Variants in NAV2 observed in about 807,000 individuals in gnomAD.
NAV2 encodes helicase, APC down-regulated 1.
NAV2 carries 54 observed loss-of-function variants against 223.2 expected under a neutral mutation model. That is an observed-to-expected ratio of 0.24 (90% confidence interval 0.19 to 0.30). NAV2 has a LOEUF of 0.30. Among genes scored for constraint, NAV2 ranks in the 10% least tolerant of loss-of-function variants. The pLI, the probability that NAV2 is intolerant of heterozygous loss-of-function variation, is 1.00. For synonymous variants in NAV2, 1,279 were observed against 1,239.3 expected (o/e 1.03, Z -0.67); for missense variants, 2,806 against 3,147.5 (o/e 0.89, Z 2.60).
chr11:20,016,476 C>T (rs1434237244), intron 11 of NAV2, among the ~76,000 whole-genome samples: 1 of 152,162 alleles, frequency 6.6e-6, no homozygotes, highest in Non-Finnish European at 1.5e-5. Flanking sequence ...AATGTGGAGT[C>T]CAGACAATCT....
chr11:19,499,310 G>A (rs2042891772), intron 1 of NAV2, among the ~76,000 whole-genome samples: 1 of 152,228 alleles, frequency 6.6e-6, no homozygotes, highest in Non-Finnish European at 1.5e-5. Context: ...AATTGTTCCT[G>A]CTAGAGGGTT....
rs556798888 is a variant in NAV2 at position 19,510,590 on chromosome 11, C to T, written c.75+159563C>T. Among the ~76,000 whole-genome samples the T allele has an allele frequency of 5.3e-5, 8 of 152,312 alleles. No homozygotes were observed. The South Asian group carries it at 1.7e-3, about 32-fold the overall frequency. ...GAAACAGGTGAGAGGAGGTTAATTACGTTGGCAGAGATGGCATAACAGAGC... is the reference window on the plus strand; with the variant it reads ...GAAACAGGTGAGAGGAGGTTAATTATGTTGGCAGAGATGGCATAACAGAGC... On this transcript the variant is annotated intron_variant, in intron 1 of 37. Transcript: ENST00000360655.
chr11:19,502,230 C>G (rs1158321772), intron 1 of NAV2, among the ~76,000 whole-genome samples: 2 of 152,240 alleles, frequency 1.3e-5, no homozygotes, highest in South Asian at 4.2e-4. Context: ...TGCTCTGCTC[C>G]CCTCCAACTA....
At chr11:19,709,486 G>A (rs1489875599), upstream of NAV2, among the ~76,000 whole-genome samples, 1 of 150,606 alleles carries the variant, frequency 6.6e-6, no homozygotes, top group East Asian at 2.0e-4. Context: ...AGCTTCCTGG[G>A]TAGTGAGCCA....
intron 11 of NAV2, among the ~76,000 whole-genome samples, chr11:20,017,925 A>C (rs1225979903): frequency 6.6e-6 from 1 of 152,076 alleles, no homozygotes; most frequent in East Asian, 1.9e-4. Context: ...CTTCTTGTTC[A>C]TTCATCCAGG....
chr11:20,036,779 T>C (rs1411606460), intron 12 of NAV2, among the ~76,000 whole-genome samples: 2 of 152,188 alleles, frequency 1.3e-5, no homozygotes, highest in African/African-American at 4.8e-5. Flanking sequence ...TGTCCCAGTA[T>C]CCAACCCCTT....
At chr11:20,049,808 C>G in intron 15 of NAV2, 28 bp from the exon 16 acceptor site, 1 of 1,610,464 alleles carries the variant, frequency 6.2e-7, no homozygotes, top group Non-Finnish European at 8.5e-7. Context: ...CGTTCCTTCT[C>G]TTGTTTTCTA....
chr11:20,103,824 G>T, intron 34 of NAV2, 100 bp downstream of exon 34: 1 of 1,045,020 alleles, frequency 9.6e-7, no homozygotes, highest in Non-Finnish European at 1.5e-6. Context: ...TGTGTTGTAT[G>T]CTAGGTATTG....
intron 20 of NAV2, among the ~76,000 whole-genome samples, chr11:20,064,925 C>A (rs941434525): frequency 2.6e-5 from 4 of 152,164 alleles, no homozygotes; most frequent in African/African-American, 9.7e-5. Context: ...GCAAGGTGAT[C>A]TTCTGAGGCC....
At chr11:19,990,685 A>G (rs1035771913) in intron 11 of NAV2, among the ~76,000 whole-genome samples, 16 of 152,250 alleles carry the variant, frequency 1.1e-4, no homozygotes, top group African/African-American at 3.9e-4. Flanking sequence ...CCCTACATAC[A>G]TGTGGTAGAG....
intron 1 of NAV2, chr11:19,505,318 T>C (rs2043090109): frequency 6.6e-6 from 1 of 152,288 alleles, no homozygotes; most frequent in Non-Finnish European, 1.5e-5. Context: ...TCTCTCATGC[T>C]GCAGATTGAC....
rs77973536 is a variant in NAV2, at chr11:20,089,551, A to AC, written c.5499-1313dup. On this transcript the variant is annotated intron_variant, in intron 26 of 37. Coordinates refer to ENST00000349880, the MANE Select transcript of NAV2 (RefSeq NM_145117.5). ...GTGATCATTTATTTCTGCAGAGACC[A>AC]CATGCTCATCATCTCCTTTAGACAT... Among the ~76,000 whole-genome samples, 66 of 151,702 alleles carry AC rather than the reference A, an allele frequency of 4.4e-4. No homozygotes were observed. The East Asian group carries it at 0.013, about 29-fold the overall frequency.
Position 20,045,527 on chromosome 11 carries a change from A to G in NAV2, c.3759A>G (p.Lys1253=). The G allele has an allele frequency of 1.2e-6, 2 of 1,614,164 alleles. No homozygotes were observed. The highest frequency in any genetic ancestry group is 1.3e-5 in the African/African-American group (1 of 75,046). Residue 1253 remains lysine (K), a synonymous_variant, in exon 14 of 38, where the codon AAA becomes AAG. Coordinates refer to ENST00000349880, the MANE Select transcript of NAV2 (RefSeq NM_145117.5). ...PGLVNQTDKE[K]GISSDNESVA... Reference sequence around the variant, plus strand: ...TGGTCAACCAAACAGACAAGGAGAAAGGCATCTCATCAGACAACGAGAGTG... The same window carrying G: ...TGGTCAACCAAACAGACAAGGAGAAGGGCATCTCATCAGACAACGAGAGTG...
At chr11:19,961,653 T>C (rs1476146499) in intron 10 of NAV2, among the ~76,000 whole-genome samples, 1 of 152,202 alleles carries the variant, frequency 6.6e-6, no homozygotes, top group East Asian at 1.9e-4. Context: ...TAGGGAAATT[T>C]CTTCCTTTCC....
intron 1 of NAV2, among the ~76,000 whole-genome samples, chr11:19,625,883 T>A (rs1008763158): frequency 2.6e-5 from 4 of 151,840 alleles, no homozygotes; most frequent in African/African-American, 9.7e-5. Context: ...CATTTGCCTA[T>A]TTTTTTTCCT....
intron 18 of NAV2, among the ~76,000 whole-genome samples, 159 bp downstream of exon 18, chr11:20,054,399 C>G (rs1392933356): frequency 2.0e-5 from 3 of 152,002 alleles, no homozygotes; most frequent in African/African-American, 7.3e-5. Flanking sequence ...TTTGGTGCAC[C>G]CATCACTTGA....
chr11:19,809,301 A>G (rs969872383), intron 1 of NAV2, among the ~76,000 whole-genome samples: 1 of 152,228 alleles, frequency 6.6e-6, no homozygotes, highest in African/African-American at 2.4e-5. Context: ...CTGATCTCAA[A>G]TCAAACATCA....
exon 1 of NAV2, chr11:19,350,779 G>A (rs1004927982): frequency 6.3e-6 from 4 of 637,352 alleles, no homozygotes; most frequent in African/African-American, 1.8e-5. Flanking sequence ...GCCGAGTGAG[G>A]TTCCCGAGTG....
intron 1 of NAV2, among the ~76,000 whole-genome samples, chr11:19,803,869 C>G (rs1362184146): frequency 6.6e-6 from 1 of 152,224 alleles, no homozygotes; most frequent in Admixed American, 6.5e-5. Context: ...CTGCCTCGCC[C>G]CATCTGTGGC....
Sources: allele counts gnomAD v4.1 joint callset (sites outside exome capture counted in the v4.1 genomes callset), GRCh38; gene constraint gnomAD v4.1.1; transcripts MANE v1.5; gene names NCBI Gene and HGNC (gene_info 2026-07-23, HGNC 2026-07-21).